ZNF740: variants seen among roughly 807,000 people sequenced by gnomAD.
ZNF740 encodes the protein oriLyt TD-element-binding protein 7.
Under a neutral mutation model 24.8 loss-of-function variants are expected in ZNF740, and 14 were observed. That is an observed-to-expected ratio of 0.56 (90% CI 0.37 to 0.88). ZNF740 has a LOEUF of 0.88. Ranked by LOEUF, ZNF740 falls within the 40% of genes least tolerant of loss-of-function variation. The pLI, the probability that ZNF740 is intolerant of heterozygous loss-of-function variation, is 0.00. For synonymous variants in ZNF740, 69 were observed against 84.0 expected, an observed-to-expected ratio of 0.82 and a Z score of 0.98; for missense variants, 201 against 247.9, an observed-to-expected ratio of 0.81 and a Z score of 1.27.
rs372925129 is a variant in ZNF740, at chr12:53,191,636, C to T, written c.*4046C>T. 1 of 1,612,894 alleles carries T rather than the reference C, an allele frequency of 6.2e-7. No homozygotes were observed. Among genetic ancestry groups the T allele is most frequent in the Non-Finnish European group, 8.5e-7 (1 of 1,178,910 alleles). ...GCACTTTTGTAGAGAGGATTACTGT[C>T]CTGGAGAAAGATGTTGCAGATTATA... On this transcript the variant is annotated 3_prime_UTR_variant, in exon 7 of 7. Coordinates refer to ENST00000416904, the MANE Select transcript of ZNF740 (RefSeq NM_001004304.4).
At position 53,191,978 on chromosome 12, in the gene ZNF740, C is replaced by T; in HGVS notation, c.*4388C>T. 6.2e-7 allele frequency: 1 copy of T among 1,612,698 alleles called. No homozygotes were observed. Among genetic ancestry groups the T allele is most frequent in the Non-Finnish European group, 8.5e-7 (1 of 1,179,960 alleles). ...CCCAGCCCCACTGCCACGATGCCCC[C>T]TACGCAGCCCAGCACAATGGCCTGC... is the stretch of plus-strand genomic sequence containing the variant. On this transcript the variant is annotated 3_prime_UTR_variant, in exon 7 of 7. Coordinates refer to ENST00000416904, the MANE Select transcript of ZNF740 (RefSeq NM_001004304.4).
chr12:53,187,607 G>A lies in ZNF740; in HGVS notation c.*17G>A. 1 of 1,606,622 alleles carries A rather than the reference G, an allele frequency of 6.2e-7. No homozygotes were observed. Among genetic ancestry groups the A allele is most frequent in the Non-Finnish European group, 8.5e-7 (1 of 1,173,328 alleles). ...TCTCTATAGGCGCAAGGGGCCCCGG[G>A]TGGTGGGAGTGATCAGAAGAACCTG... On this transcript the variant is annotated 3_prime_UTR_variant, in exon 7 of 7. Coordinates refer to ENST00000416904, the MANE Select transcript of ZNF740 (RefSeq NM_001004304.4).
rs899735356 is a variant in ZNF740 at position 53,189,023 on chromosome 12, T to A, written c.*1433T>A. The A allele has an allele frequency of 6.6e-6, 1 of 151,972 alleles. No individual in the cohort carries two copies. Among genetic ancestry groups the A allele is most frequent in the Middle Eastern group, 3.2e-3 (1 of 316 alleles). The allele number at this position is 151,972 out of a possible 1,614,324, so 9.4% of individuals were successfully genotyped here. A position where few individuals can be genotyped will look rare whatever the true frequency, so the allele number is the denominator to read the frequency against. On this transcript the variant is annotated 3_prime_UTR_variant, in exon 7 of 7. Transcript: ENST00000416904. ...CAGGGAGGATGAGTGGAAAATAGCC[T>A]CCTCTTGCCCAAACATGAAGGGTGC...
In ZNF740 at chr12:53,192,956, CAGTT is replaced by C. The variant is rs772016563; in HGVS notation, c.*5367_*5370del. 2.0e-5 allele frequency: 31 copies of C among 1,577,448 alleles called. No individual in the cohort carries two copies. In the Admixed American group the frequency reaches 2.5e-4, roughly 13 times the overall value. ...GGGTGACAACCATACTCCACACACACAGTTGGCCATCATGTGGCACGACAAGCCC... is the reference window on the plus strand; with the variant it reads ...GGGTGACAACCATACTCCACACACACGGCCATCATGTGGCACGACAAGCCC... On this transcript the variant is annotated 3_prime_UTR_variant, in exon 7 of 7. Transcript: ENST00000416904.
At position 53,193,664 on chromosome 12, in the gene ZNF740, G is replaced by T. The variant is rs745847493; in HGVS notation, c.*6074G>T. On this transcript the variant is annotated 3_prime_UTR_variant, in exon 7 of 7. Transcript: ENST00000416904. ...GGAGGAATACGGGCCAGGGTTGGTTGGTTGTTGGGAGCCAGGTGGTTGAAG... is the reference window on the plus strand; with the variant it reads ...GGAGGAATACGGGCCAGGGTTGGTTTGTTGTTGGGAGCCAGGTGGTTGAAG... 1.3e-6 allele frequency: 2 copies of T among 1,536,796 alleles called. No homozygotes were observed. The highest frequency in any genetic ancestry group is 1.2e-5 in the South Asian group (1 of 82,650).
Position 53,192,749 on chromosome 12 carries a change from AG to A in ZNF740, c.*5160del. On this transcript the variant is annotated 3_prime_UTR_variant, in exon 7 of 7. Transcript: ENST00000416904. ...CATTGGTCGCATAGAGCACCATAGT[AG>A]CCGTCCAAGCACTGGCAGCGGTTGC... 1.2e-6 allele frequency: 2 copies of A among 1,614,234 alleles called. No individual in the cohort carries two copies. The highest frequency in any genetic ancestry group is 1.7e-6 in the Non-Finnish European group (2 of 1,180,048).
rs1254207806 is a variant in ZNF740 at position 53,193,021 on chromosome 12, C to T, written c.*5431C>T. 7 of 1,354,608 alleles carry T rather than the reference C, an allele frequency of 5.2e-6. No homozygotes were observed. The highest frequency in any genetic ancestry group is 7.2e-6 in the Non-Finnish European group (7 of 968,856). The allele number at this position is 1,354,608 out of a possible 1,614,324, so 83.9% of individuals were successfully genotyped here. A position where few individuals can be genotyped will look rare whatever the true frequency, so the allele number is the denominator to read the frequency against. On this transcript the variant is annotated 3_prime_UTR_variant, in exon 7 of 7. Transcript: ENST00000416904. The stretch of plus-strand genomic sequence containing the variant: ...TCTTTTTGAAGTATGCCAACCACAC[C>T]CTCTAACCCATACACCGGAATCTTT...
chr12:53,186,734 A>G, intron 6 of ZNF740: 2 of 442,022 alleles, frequency 4.5e-6, no homozygotes, highest in South Asian at 6.7e-5. Context: ...CACTTACTCT[A>G]TGCCAGGCAC....
rs1180678280 is a variant in ZNF740, at chr12:53,194,109, T to C, written c.*6519T>C. On this transcript the variant is annotated 3_prime_UTR_variant, in exon 7 of 7. Transcript: ENST00000416904. ...TACCTCAGGCTCTCATGTCACTCCC[T>C]GTACCTGCCACCCATCTTTTCCTGC... The C allele has an allele frequency of 1.9e-6, 3 of 1,567,872 alleles. No homozygotes were observed. Among genetic ancestry groups the C allele is most frequent in the Non-Finnish European group, 2.6e-6 (3 of 1,145,486 alleles).
At position 53,180,738 on chromosome 12, in the gene ZNF740, C is replaced by T. The variant is rs1183142314; in HGVS notation, c.-407C>T. The T allele has an allele frequency of 1.0e-5, 13 of 1,265,112 alleles. No individual in the cohort carries two copies. The highest frequency in any genetic ancestry group is 1.3e-5 in the Non-Finnish European group (13 of 977,032). 78.4% of individuals were successfully genotyped at this position (1,265,112 alleles called of 1,614,324 possible). A position where few individuals can be genotyped will look rare whatever the true frequency, so the allele number is the denominator to read the frequency against. On this transcript the variant is annotated 5_prime_UTR_variant, in exon 1 of 7. Coordinates refer to ENST00000416904, the MANE Select transcript of ZNF740 (RefSeq NM_001004304.4). ...TTGGTGTTTGTAAACTTGCCTCGGT[C>T]CCGGTGGGGGCAGCCGCGGCGGTGG... is the stretch of plus-strand genomic sequence containing the variant.
rs1047486998 is a variant in ZNF740, at chr12:53,181,038, C to G, written c.-308+201C>G. ...CTGCCCGCGCGTCCCGCCGCGTCCC[C>G]GGCCCGGGAGAGGGCTCTCGGAGGG... On this transcript the variant is annotated intron_variant, in intron 1 of 6. Coordinates refer to ENST00000416904, the MANE Select transcript of ZNF740 (RefSeq NM_001004304.4). 7.9e-6 allele frequency: 7 copies of G among 880,610 alleles called. No homozygotes were observed. In the Admixed American group the frequency reaches 4.2e-4, roughly 53 times the overall value. 54.5% of individuals were successfully genotyped at this position (880,610 alleles called of 1,614,324 possible).
intron 5 of ZNF740, 127 bp from the exon 6 acceptor site, chr12:53,186,264 A>G (rs1468150001): frequency 8.8e-7 from 1 of 1,142,732 alleles, no homozygotes; most frequent in East Asian, 2.6e-5. Context: ...ACCTTTGGGG[A>G]CCTCTCCCCA....
chr12:53,190,627 C>T lies in ZNF740; in HGVS notation c.*3037C>T, dbSNP rs538129725. 7.2e-5 allele frequency: 11 copies of T among 152,412 alleles called. No homozygotes were observed. Among genetic ancestry groups the T allele is most frequent in the African/African-American group, 2.4e-4 (10 of 41,472 alleles). The allele number at this position is 152,412 out of a possible 1,614,324, so 9.4% of individuals were successfully genotyped here. On this transcript the variant is annotated 3_prime_UTR_variant, in exon 7 of 7. Coordinates refer to ENST00000416904, the MANE Select transcript of ZNF740 (RefSeq NM_001004304.4). Reference sequence around the variant, plus strand: ...GATGCCCTTTGCCTCTGCTGTGGCCCTGGGGTTTTATCAACTGTCCCCTTC... The same window carrying T: ...GATGCCCTTTGCCTCTGCTGTGGCCTTGGGGTTTTATCAACTGTCCCCTTC...
intron 2 of ZNF740, among the ~76,000 whole-genome samples, chr12:53,184,130 T>TGA: frequency 7.8e-6 from 1 of 127,862 alleles, no homozygotes; most frequent in Non-Finnish European, 1.6e-5. Context: ...TGTGTGTGTG[T>TGA]GTGTGTGTGT....
chr12:53,185,930 G>T, intron 4 of ZNF740, 24 bp from the exon 5 acceptor site: 1 of 1,612,538 alleles, frequency 6.2e-7, no homozygotes, highest in South Asian at 1.1e-5. Flanking sequence ...GTGGCCTCAT[G>T]ACATGCCTGA....
Position 53,194,090 on chromosome 12 carries a change from A to C in ZNF740, c.*6500A>C. The C allele has an allele frequency of 6.7e-7, 1 of 1,498,266 alleles. No individual in the cohort carries two copies. The highest frequency in any genetic ancestry group is 9.2e-7 in the Non-Finnish European group (1 of 1,089,096). 92.8% of individuals were successfully genotyped at this position (1,498,266 alleles called of 1,614,324 possible). ...GGAAGGATGGATGGAGGACTACCTC[A>C]GGCTCTCATGTCACTCCCTGTACCT... On this transcript the variant is annotated 3_prime_UTR_variant, in exon 7 of 7. Transcript: ENST00000416904.
rs1941931041 is a variant in ZNF740, at chr12:53,191,211, CCT to C, written c.*3625_*3626del. ...TTTCCTGCACATTCGCGCTTGGGCACCTCTCCCTGCCCTCAGGTGGCAAGAGG... is the reference window on the plus strand; with the variant it reads ...TTTCCTGCACATTCGCGCTTGGGCACCTCCCTGCCCTCAGGTGGCAAGAGG... On this transcript the variant is annotated 3_prime_UTR_variant, in exon 7 of 7. Transcript: ENST00000416904. 5 of 313,662 alleles carry C rather than the reference CCT, an allele frequency of 1.6e-5. No individual in the cohort carries two copies. Among genetic ancestry groups the C allele is most frequent in the Non-Finnish European group, 3.1e-5 (5 of 160,758 alleles). The allele number at this position is 313,662 out of a possible 1,614,324, so 19.4% of individuals were successfully genotyped here. A position where few individuals can be genotyped will look rare whatever the true frequency, so the allele number is the denominator to read the frequency against.
Position 53,189,284 on chromosome 12 carries a change from A to C in ZNF740, c.*1694A>C, listed in dbSNP as rs1404021943. ...TTGACCCCCACTGTAACCTGACCTG[A>C]CCTGTGGCGGGTACGGGAACTGTCT... On this transcript the variant is annotated 3_prime_UTR_variant, in exon 7 of 7. Coordinates refer to ENST00000416904, the MANE Select transcript of ZNF740 (RefSeq NM_001004304.4). 1 of 152,062 alleles carries C rather than the reference A, an allele frequency of 6.6e-6. No individual in the cohort carries two copies. Among genetic ancestry groups the C allele is most frequent in the Non-Finnish European group, 1.5e-5 (1 of 68,022 alleles). The allele number at this position is 152,062 out of a possible 1,614,324, so 9.4% of individuals were successfully genotyped here. A position where few individuals can be genotyped will look rare whatever the true frequency, so the allele number is the denominator to read the frequency against.
In ZNF740 at chr12:53,194,359, C is replaced by G; in HGVS notation, c.*6769C>G. The G allele has an allele frequency of 6.2e-7, 1 of 1,613,380 alleles. No individual in the cohort carries two copies. Among genetic ancestry groups the G allele is most frequent in the Non-Finnish European group, 8.5e-7 (1 of 1,179,590 alleles). ...GAAGACAGGCTCTATGGGAAGAGAG[C>G]GAGTGGATAACCACGTGAAGGCAGA... is the stretch of plus-strand genomic sequence containing the variant. On this transcript the variant is annotated 3_prime_UTR_variant, in exon 7 of 7. Coordinates refer to ENST00000416904, the MANE Select transcript of ZNF740 (RefSeq NM_001004304.4).
Sources: gnomAD v4.1 joint callset for allele counts (sites outside exome capture counted in the v4.1 genomes callset) on GRCh38, gnomAD v4.1.1 for gene constraint, MANE v1.5 for transcripts, NCBI Gene and HGNC (gene_info 2026-07-23, HGNC 2026-07-21) for gene names.